CNKSR3: variants seen among roughly 807,000 people sequenced by gnomAD.
The protein encoded by CNKSR3 is CNKSR family member 3.
In CNKSR3, 36 loss-of-function variants were observed where a neutral mutation model predicts 67.7. The observed-to-expected ratio is 0.53, with a 90% CI of 0.41 to 0.70. CNKSR3 has a LOEUF of 0.70. Among genes scored for constraint, CNKSR3 ranks in the 30% least tolerant of loss-of-function variants. The pLI is 0.00. For missense variants in CNKSR3, 630 were observed against 695.2 expected (o/e 0.91, Z 1.05); for synonymous variants, 281 against 271.4 (o/e 1.04, Z -0.35).
intron 1 of CNKSR3, among the ~76,000 whole-genome samples, chr6:154,509,343 C>G (rs1787166689): frequency 6.8e-6 from 1 of 147,894 alleles, no homozygotes. Context: ...CCTTCCTCAT[C>G]CCAAATATTG....
intron 1 of CNKSR3, among the ~76,000 whole-genome samples, chr6:154,466,691 C>T (rs1438757850): frequency 6.6e-6 from 1 of 152,104 alleles, no homozygotes; most frequent in African/African-American, 2.4e-5. Flanking sequence ...GCAATCATAG[C>T]TCACTGCAGC....
At position 154,486,299 on chromosome 6, in the gene CNKSR3, C is replaced by CT. The variant is rs760666886; in HGVS notation, c.52+23763dup. ...TTCTCTTTTCTCTCTCTCTCTTTTT[C>CT]TTTTTTTTTTTTTTTAGACGGAGTC... On this transcript the variant is annotated intron_variant, in intron 1 of 12. Coordinates refer to ENST00000607772, the MANE Select transcript of CNKSR3 (RefSeq NM_173515.4). Among the ~76,000 whole-genome samples the CT allele has an allele frequency of 7.1e-3, 990 of 138,676 alleles. 10 individuals are homozygous for CT. The highest frequency in any genetic ancestry group is 0.014 in the African/African-American group (548 of 38,074). 91.0% of individuals were successfully genotyped at this position (138,676 alleles called of 152,430 possible). A position where few individuals can be genotyped will look rare whatever the true frequency, so the allele number is the denominator to read the frequency against.
rs1431915598 is a variant in CNKSR3 at position 154,388,601 on chromosome 6, A to C, written c.*17753T>G. ...TAGGAACACCCATACTGTTTTCCTTAGTGGCTGCACCATTTTGCATTCCCA... is the reference window on the plus strand; with the variant it reads ...TAGGAACACCCATACTGTTTTCCTTCGTGGCTGCACCATTTTGCATTCCCA... On this transcript the variant is annotated 3_prime_UTR_variant, in exon 13 of 13. Transcript: ENST00000607772. 1 of 152,148 alleles carries C rather than the reference A, an allele frequency of 6.6e-6. No individual in the cohort carries two copies. The highest frequency in any genetic ancestry group is 1.5e-5 in the Non-Finnish European group (1 of 68,040). 9.4% of individuals were successfully genotyped at this position (152,148 alleles called of 1,614,324 possible).
At chr6:154,459,209 A>T (rs1253219575) in intron 1 of CNKSR3, among the ~76,000 whole-genome samples, 1 of 152,138 alleles carries the variant, frequency 6.6e-6, no homozygotes, top group Non-Finnish European at 1.5e-5. Flanking sequence ...AAACCATATA[A>T]AGACGATGCA....
intron 1 of CNKSR3, among the ~76,000 whole-genome samples, chr6:154,493,788 C>T (rs926906038): frequency 6.6e-6 from 1 of 152,062 alleles, no homozygotes; most frequent in Admixed American, 6.5e-5. Flanking sequence ...AAGTGATACA[C>T]TGTCAAATCA....
intron 9 of CNKSR3, among the ~76,000 whole-genome samples, chr6:154,422,245 G>T (rs1329082267): frequency 6.6e-6 from 1 of 152,134 alleles, no homozygotes; most frequent in Non-Finnish European, 1.5e-5. Context: ...GCCCGCCTCA[G>T]CCTCCCAAGT....
rs950337786 is a variant in CNKSR3 at position 154,509,924 on chromosome 6, G to C, written c.52+139C>G. 4 of 905,012 alleles carry C rather than the reference G, an allele frequency of 4.4e-6. No homozygotes were observed. In the African/African-American group the frequency reaches 4.9e-5, roughly 11 times the overall value. The allele number at this position is 905,012 out of a possible 1,614,324, so 56.1% of individuals were successfully genotyped here. On this transcript the variant is annotated intron_variant, in intron 1 of 12. Coordinates refer to ENST00000607772, the MANE Select transcript of CNKSR3 (RefSeq NM_173515.4). ...AGAGATAGGAGCGCACAGGCCACTC[G>C]GCAGAAGTTTGCATTGTCACCGGGC...
chr6:154,423,660 C>T (rs1350326239), intron 7 of CNKSR3, among the ~76,000 whole-genome samples: 1 of 152,220 alleles, frequency 6.6e-6, no homozygotes, highest in Non-Finnish European at 1.5e-5. Flanking sequence ...AGCTGACCAA[C>T]TGTTCAACGT....
intron 1 of CNKSR3, among the ~76,000 whole-genome samples, chr6:154,470,825 T>C (rs1413166230): frequency 6.6e-6 from 1 of 152,234 alleles, no homozygotes; most frequent in Admixed American, 6.5e-5. Context: ...TTGAGTCATG[T>C]GGTAACTCTT....
intron 9 of CNKSR3, among the ~76,000 whole-genome samples, chr6:154,415,114 A>AC (rs1784993738): frequency 2.7e-5 from 3 of 111,390 alleles, no homozygotes; most frequent in African/African-American, 8.7e-5. Context: ...AAAAAAAAAA[A>AC]AAAAAAAACA....
chr6:154,458,473 A>G (rs1247972087), intron 1 of CNKSR3, among the ~76,000 whole-genome samples: 1 of 152,114 alleles, frequency 6.6e-6, no homozygotes, highest in Non-Finnish European at 1.5e-5. Flanking sequence ...ATAGACATTA[A>G]AAGTCACCAA....
intron 1 of CNKSR3, among the ~76,000 whole-genome samples, chr6:154,459,025 C>T (rs1489454404): frequency 7.1e-6 from 1 of 141,658 alleles, no homozygotes; most frequent in East Asian, 2.0e-4. Flanking sequence ...AACTTAAGTC[C>T]TAAATATCCT....
intron 2 of CNKSR3, among the ~76,000 whole-genome samples, chr6:154,447,560 CT>C (rs1423906808): frequency 1.3e-5 from 2 of 152,190 alleles, no homozygotes; most frequent in Non-Finnish European, 2.9e-5. Flanking sequence ...TCATTGCTCT[CT>C]AACCATGACC....
intron 12 of CNKSR3, among the ~76,000 whole-genome samples, chr6:154,408,941 C>G (rs1448845187): frequency 6.6e-6 from 1 of 152,132 alleles, no homozygotes; most frequent in African/African-American, 2.4e-5. Flanking sequence ...CTTCATCTCT[C>G]CATGTATAAA....
At chr6:154,475,092 C>A (rs1489702358) in intron 1 of CNKSR3, among the ~76,000 whole-genome samples, 1 of 152,158 alleles carries the variant, frequency 6.6e-6, no homozygotes, top group Non-Finnish European at 1.5e-5. Flanking sequence ...CCCTTGTACA[C>A]GAGGAAGCTG....
chr6:154,450,018 CACAA>C (rs1351861859), intron 2 of CNKSR3, 73 bp downstream of exon 2: 6 of 1,387,874 alleles, frequency 4.3e-6, no homozygotes, highest in Non-Finnish European at 5.9e-6. Context: ...TATGCTAAAT[CACAA>C]ACAATGACGG....
intron 2 of CNKSR3, among the ~76,000 whole-genome samples, chr6:154,449,021 C>T (rs1004731497): frequency 2.6e-5 from 4 of 152,190 alleles, no homozygotes; most frequent in African/African-American, 9.7e-5. Context: ...GAATCCCACC[C>T]ACACTAACCA....
At chr6:154,480,828 C>T (rs62432719) in intron 1 of CNKSR3, among the ~76,000 whole-genome samples, 38,672 of 152,146 alleles carry the variant, frequency 0.25, 6,061 homozygotes, top group Non-Finnish European at 0.35. Context: ...TCTTTTAAAG[C>T]CAGGCATGAT....
intron 1 of CNKSR3, among the ~76,000 whole-genome samples, chr6:154,505,794 CTGG>C (rs1787090872): frequency 6.7e-6 from 1 of 148,764 alleles, no homozygotes. Context: ...GCCACCGCGC[CTGG>C]CCAACTACAC....
Sources: allele counts gnomAD v4.1 joint callset (sites outside exome capture counted in the v4.1 genomes callset), GRCh38; gene constraint gnomAD v4.1.1; transcripts MANE v1.5; gene names NCBI Gene and HGNC (gene_info 2026-07-23, HGNC 2026-07-21).